PLCE1: variants seen among roughly 807,000 people sequenced by gnomAD.
PLCE1 encodes phospholipase C epsilon 1.
Under a neutral mutation model 242.8 loss-of-function variants are expected in PLCE1, and 119 were observed. That is an observed-to-expected ratio of 0.49 (90% CI 0.42 to 0.57). The LOEUF (loss-of-function observed/expected upper bound fraction) is 0.57, where lower values mean the gene tolerates loss of function less well. Among genes scored for constraint, PLCE1 ranks in the 20% least tolerant of loss-of-function variants. The pLI, the probability that PLCE1 is intolerant of heterozygous loss-of-function variation, is 0.00. For synonymous variants in PLCE1, 945 were observed against 1,017.4 expected, an observed-to-expected ratio of 0.93 and a Z score of 1.35; for missense variants, 2,441 against 2,788.8, an observed-to-expected ratio of 0.88 and a Z score of 2.81.
intron 4 of PLCE1, among the ~76,000 whole-genome samples, chr10:94,173,953 T>TAGAAA (rs1466738525): frequency 1.3e-5 from 2 of 152,218 alleles, no homozygotes; most frequent in African/African-American, 4.8e-5. Context: ...TACCTTAAAG[T>TAGAAA]AGAAAAGTTC....
intron 3 of PLCE1, among the ~76,000 whole-genome samples, chr10:94,148,132 C>G (rs1204964400): frequency 1.3e-5 from 2 of 152,152 alleles, no homozygotes; most frequent in African/African-American, 4.8e-5. Context: ...TAGGACAATG[C>G]AGACACTTGC....
intron 2 of PLCE1, among the ~76,000 whole-genome samples, chr10:94,091,182 C>T (rs1441384300): frequency 2.6e-5 from 4 of 152,144 alleles, no homozygotes; most frequent in African/African-American, 9.7e-5. Flanking sequence ...TGGGAACAGT[C>T]GCCATGGATT....
intron 27 of PLCE1, among the ~76,000 whole-genome samples, chr10:94,309,073 G>A (rs886148528): frequency 6.6e-6 from 1 of 152,192 alleles, no homozygotes; most frequent in Admixed American, 6.5e-5. Context: ...TGAGGAAGAG[G>A]CTTATTATGC....
chr10:94,030,751 T>C lies in PLCE1; in HGVS notation c.-296T>C, dbSNP rs1400830582. ...CAGTGATGGATCAGAAGTTGCAGAG[T>C]GCAATCCCGAGTAAAAGTCTTCAAA... On this transcript the variant is annotated 5_prime_UTR_variant, in exon 2 of 33. Coordinates refer to ENST00000371380, the MANE Select transcript of PLCE1 (RefSeq NM_016341.4). 2.4e-6 allele frequency: 1 copy of C among 413,340 alleles called. No homozygotes were observed. Among genetic ancestry groups the C allele is most frequent in the Non-Finnish European group, 4.4e-6 (1 of 225,710 alleles). 25.6% of individuals were successfully genotyped at this position (413,340 alleles called of 1,614,324 possible).
chr10:94,285,282 G>A (rs1383996348), intron 22 of PLCE1, among the ~76,000 whole-genome samples: 2 of 151,976 alleles, frequency 1.3e-5, no homozygotes, highest in African/African-American at 4.8e-5. Context: ...GCTATTTTAC[G>A]TACATCTCCT....
chr10:94,287,732 GAAA>G (rs1309580528), intron 22 of PLCE1, among the ~76,000 whole-genome samples: 1 of 144,966 alleles, frequency 6.9e-6, no homozygotes, highest in African/African-American at 2.5e-5. Context: ...CCTTCTAATA[GAAA>G]AAAAAAAGGA....
chr10:94,095,814 A>G (rs2045287864), intron 2 of PLCE1, among the ~76,000 whole-genome samples: 1 of 152,186 alleles, frequency 6.6e-6, no homozygotes, highest in Non-Finnish European at 1.5e-5. Flanking sequence ...ATTAAGGGGT[A>G]CAGGTGGGAT....
chr10:94,173,501 C>T (rs1443373634), intron 4 of PLCE1, among the ~76,000 whole-genome samples: 1 of 152,218 alleles, frequency 6.6e-6, no homozygotes. Context: ...ACTTCCAGAT[C>T]TACCCACTCT....
At chr10:94,072,758 A>T (rs768630258) in intron 2 of PLCE1, among the ~76,000 whole-genome samples, 34 of 152,164 alleles carry the variant, frequency 2.2e-4, no homozygotes, top group Non-Finnish European at 4.0e-4. Flanking sequence ...GAATTTCAAT[A>T]AGAGTTTTCT....
At chr10:94,028,949 G>A (rs368271073) in intron 1 of PLCE1, among the ~76,000 whole-genome samples, 1 of 151,980 alleles carries the variant, frequency 6.6e-6, no homozygotes, top group Non-Finnish European at 1.5e-5. Context: ...CCTTGAATGT[G>A]GGTTATACTT....
intron 2 of PLCE1, among the ~76,000 whole-genome samples, chr10:94,119,208 G>C (rs1375702981): frequency 1.3e-5 from 2 of 152,238 alleles, no homozygotes; most frequent in South Asian, 4.1e-4. Context: ...AAACCACCAA[G>C]CTATAGGAAA....
At chr10:94,256,470 A>G (rs558904319) in intron 11 of PLCE1, among the ~76,000 whole-genome samples, 1 of 152,312 alleles carries the variant, frequency 6.6e-6, no homozygotes, top group African/African-American at 2.4e-5. Flanking sequence ...TTATACATTC[A>G]CATTCTACAA....
At position 94,284,860 on chromosome 10, in the gene PLCE1, G is replaced by T; in HGVS notation, c.4930G>T (p.Glu1644Ter). The T allele has an allele frequency of 6.3e-7, 1 of 1,589,464 alleles. No homozygotes were observed. The highest frequency in any genetic ancestry group is 8.6e-7 in the Non-Finnish European group (1 of 1,157,624). The change falls in exon 22 of 33, where the codon GAA becomes TAA. Residue 1644 changes from glutamate (E) to a stop codon, truncating the protein, a stop_gained. Transcript: ENST00000371380. LOFTEE classifies it high-confidence loss of function. ...TTTCCCTTACCAGGTTTATGATATG[G>T]AACTGGGAGAAGAATTTTATCTTGA... The part of the protein sequence containing the change: ...ACNKGKVYDM[E>*]LGEEFYLDQN...
intron 29 of PLCE1, among the ~76,000 whole-genome samples, chr10:94,318,244 T>C (rs2053644595): frequency 6.6e-6 from 1 of 152,210 alleles, no homozygotes; most frequent in Non-Finnish European, 1.5e-5. Context: ...ACCCTAATAA[T>C]AATCACTTTA....
chr10:94,322,784 TAA>T (rs573064111), intron 30 of PLCE1, among the ~76,000 whole-genome samples: 7 of 139,878 alleles, frequency 5.0e-5, no homozygotes, highest in Non-Finnish European at 6.2e-5. Flanking sequence ...AAACTTCGTC[TAA>T]AAAAAAAAAA....
intron 18 of PLCE1, among the ~76,000 whole-genome samples, chr10:94,271,246 A>T (rs2051719375): frequency 6.9e-6 from 1 of 145,058 alleles, no homozygotes; most frequent in African/African-American, 2.5e-5. Context: ...TGTCAGTTGT[A>T]TGTGGAAAAG....
chr10:94,070,538 C>T (rs2044321326), intron 2 of PLCE1, among the ~76,000 whole-genome samples: 1 of 152,250 alleles, frequency 6.6e-6, no homozygotes, highest in Non-Finnish European at 1.5e-5. Flanking sequence ...TCTCAGCTGG[C>T]CCCTTCTCTC....
chr10:94,117,120 C>CCT (rs2046156728), intron 2 of PLCE1, among the ~76,000 whole-genome samples: 1 of 152,150 alleles, frequency 6.6e-6, no homozygotes, highest in Admixed American at 6.5e-5. Flanking sequence ...GAGCTCCCAT[C>CCT]CTCTCTCCTT....
chr10:94,268,441 T>TTAA (rs2133096986), intron 16 of PLCE1, among the ~76,000 whole-genome samples: 1 of 152,344 alleles, frequency 6.6e-6, no homozygotes, highest in South Asian at 2.1e-4. Flanking sequence ...GCAAAGATGT[T>TTAA]TAATCGTGGC....
Sources: gnomAD v4.1 joint callset for allele counts (sites outside exome capture counted in the v4.1 genomes callset) on GRCh38, gnomAD v4.1.1 for gene constraint, MANE v1.5 for transcripts, NCBI Gene and HGNC (gene_info 2026-07-23, HGNC 2026-07-21) for gene names.